MRC1: variants seen among roughly 807,000 people sequenced by gnomAD.
MRC1 encodes the protein macrophage mannose receptor 1.
A neutral mutation model predicts 102.9 loss-of-function variants in MRC1; 62 were observed. The ratio of observed to expected loss-of-function variants is 0.60; its 90% CI spans 0.49 to 0.74. MRC1 has a LOEUF of 0.74. Ranked by LOEUF, MRC1 falls within the 30% of genes least tolerant of loss-of-function variation. MRC1 has a pLI of 0.00. For synonymous variants in MRC1, 457 were observed against 298.4 expected (o/e 1.53, Z -5.48); for missense variants, 1,237 against 862.8 (o/e 1.43, Z -5.43).
rs904421757 is a variant in MRC1, at chr10:17,865,151, A to C, written c.1784-1411A>C. Among the ~76,000 whole-genome samples, 14 of 152,314 alleles carry C rather than the reference A, an allele frequency of 9.2e-5. No homozygotes were observed. The East Asian group carries it at 2.3e-3, about 25-fold the overall frequency. On this transcript the variant is annotated intron_variant, in intron 11 of 29. Coordinates refer to ENST00000569591, the MANE Select transcript of MRC1 (RefSeq NM_002438.4). ...AAATATTTCATTGTGCTTGGGTGAA[A>C]AGCTAAAAAATAATAGCTCGAGTCT...
intron 9 of MRC1, among the ~76,000 whole-genome samples, chr10:17,858,912 C>T (rs2130656958): frequency 6.6e-6 from 1 of 152,372 alleles, no homozygotes; most frequent in South Asian, 2.1e-4. Context: ...ACTTCTGAAA[C>T]TTATTATAGG....
intron 6 of MRC1, 149 bp downstream of exon 6, chr10:17,845,584 T>C: frequency 1.4e-6 from 1 of 708,860 alleles, no homozygotes; most frequent in Non-Finnish European, 2.6e-6. Context: ...AATATTTCTG[T>C]GTGCTGGTTG....
At chr10:17,820,902 C>T (rs956799686) in intron 1 of MRC1, among the ~76,000 whole-genome samples, 1 of 152,090 alleles carries the variant, frequency 6.6e-6, no homozygotes, top group Non-Finnish European at 1.5e-5. Flanking sequence ...CCATTGTGAG[C>T]AAAGCCCTAT....
intron 24 of MRC1, among the ~76,000 whole-genome samples, chr10:17,899,784 T>C (rs972167978): frequency 1.1e-4 from 16 of 152,112 alleles, no homozygotes; most frequent in Admixed American, 3.9e-4. Context: ...CATAAATTTG[T>C]TTCACTAAAT....
chr10:17,809,819 C>T (rs2130562795), intron 1 of MRC1, among the ~76,000 whole-genome samples: 1 of 152,214 alleles, frequency 6.6e-6, no homozygotes, highest in African/African-American at 2.4e-5. Context: ...TTGTTCCTTC[C>T]CTGTTTTCTT....
intron 1 of MRC1, among the ~76,000 whole-genome samples, chr10:17,822,626 A>T (rs1045918417): frequency 6.6e-6 from 1 of 152,212 alleles, no homozygotes; most frequent in Admixed American, 6.5e-5. Context: ...GTCCTTTAAA[A>T]ACAACAAACA....
At chr10:17,825,466 C>G (rs1434412337) in intron 2 of MRC1, among the ~76,000 whole-genome samples, 7 of 152,030 alleles carry the variant, frequency 4.6e-5, no homozygotes, top group Non-Finnish European at 1.0e-4. Flanking sequence ...AGCTGGCAGG[C>G]GTGGTGGCTC....
At chr10:17,884,822 T>C (rs1215793223) in intron 21 of MRC1, among the ~76,000 whole-genome samples, 1 of 152,218 alleles carries the variant, frequency 6.6e-6, no homozygotes, top group African/African-American at 2.4e-5. Flanking sequence ...GTTTTGACAG[T>C]TTTTATTTTT....
chr10:17,831,093 T>C (rs1838564761), intron 3 of MRC1, among the ~76,000 whole-genome samples: 3 of 150,256 alleles, frequency 2.0e-5, no homozygotes, highest in South Asian at 4.2e-4. Flanking sequence ...AGACGGAGTT[T>C]CACCATGTTG....
rs937654203 is a variant in MRC1, at chr10:17,827,803, C to T, written c.637+88C>T. 25 of 763,820 alleles carry T rather than the reference C, an allele frequency of 3.3e-5. No individual in the cohort carries two copies. The African/African-American group carries it at 3.4e-4, about 10-fold the overall frequency. 47.3% of individuals were successfully genotyped at this position (763,820 alleles called of 1,614,324 possible). On this transcript the variant is annotated intron_variant, in intron 3 of 29. Transcript: ENST00000569591. ...CTTGAATTTATCTAGAGCATTTTTC[C>T]CCAAAGTTATTTCACATTTACGACC...
intron 28 of MRC1, among the ~76,000 whole-genome samples, chr10:17,908,662 G>A (rs1833928247): frequency 6.6e-6 from 1 of 151,874 alleles, no homozygotes; most frequent in African/African-American, 2.4e-5. Context: ...TCCACCTCCT[G>A]GGTTCAAGCC....
At position 17,840,225 on chromosome 10, in the gene MRC1, C is replaced by A. The variant is rs1290068863; in HGVS notation, c.803-468C>A. Among the ~76,000 whole-genome samples the A allele has an allele frequency of 2.6e-5, 4 of 152,218 alleles. No homozygotes were observed. The East Asian group carries it at 7.7e-4, about 29-fold the overall frequency. The stretch of plus-strand genomic sequence containing the variant: ...TTCTTCACTGCTTAAGCAAAGCATC[C>A]TTGGTGTTAGCATAAGCACTTAGTG... On this transcript the variant is annotated intron_variant, in intron 4 of 29. Coordinates refer to ENST00000569591, the MANE Select transcript of MRC1 (RefSeq NM_002438.4).
chr10:17,880,539 A>G lies in MRC1; in HGVS notation c.2734A>G (p.Ile912Val), dbSNP rs1833498900. 1 of 780,860 alleles carries G rather than the reference A, an allele frequency of 1.3e-6. No homozygotes were observed. Among genetic ancestry groups the G allele is most frequent in the South Asian group, 1.3e-5 (1 of 74,614 alleles). The allele number at this position is 780,860 out of a possible 1,614,324, so 48.4% of individuals were successfully genotyped here. A position where few individuals can be genotyped will look rare whatever the true frequency, so the allele number is the denominator to read the frequency against. Residue 912 changes from isoleucine (I) to valine (V), a missense_variant, in exon 20 of 30, where the codon ATT becomes GTT. By Grantham distance (29) the Ile-to-Val change is conservative. Coordinates refer to ENST00000569591, the MANE Select transcript of MRC1 (RefSeq NM_002438.4). ...MYSNSGFWNDINCGYPNAFIC... is the reference protein window; with the variant it reads ...MYSNSGFWNDVNCGYPNAFIC... ...CTCTTTGCCAGGGTTTTGGAATGAC[A>G]TTAACTGTGGCTATCCAAACGCCTT...
At chr10:17,870,049 A>G (rs1833332649) in intron 12 of MRC1, among the ~76,000 whole-genome samples, 197 bp from the exon 13 acceptor site, 1 of 152,184 alleles carries the variant, frequency 6.6e-6, no homozygotes, top group Non-Finnish European at 1.5e-5. Context: ...GGTTTTCTCA[A>G]TAAAAGAATC....
intron 11 of MRC1, 118 bp downstream of exon 11, chr10:17,863,800 A>G (rs1463671331): frequency 8.9e-6 from 6 of 671,606 alleles, no homozygotes; most frequent in Non-Finnish European, 1.6e-5. Flanking sequence ...GCTTTTAGTA[A>G]CAATTTATAT....
At position 17,898,108 on chromosome 10, in the gene MRC1, C is replaced by G. The variant is rs1226745091; in HGVS notation, c.3325C>G (p.Leu1109Val). The change falls in exon 24 of 30, where the codon CTC (leucine) becomes GTC (valine). Residue 1109 changes from leucine to valine, a missense_variant. Physicochemically the swap from Leu to Val is conservative, Grantham distance 32 (BLOSUM62 1). Coordinates refer to ENST00000569591, the MANE Select transcript of MRC1 (RefSeq NM_002438.4). ...TAAATATGGCAAAAGCAGCTATTCA[C>G]TCATGAGACAAAAATTTCAATGGCA... is the stretch of plus-strand genomic sequence containing the variant. ...FVKYGKSSYS[L>V]MRQKFQWHEA... 1 of 780,726 alleles carries G rather than the reference C, an allele frequency of 1.3e-6. No homozygotes were observed. The highest frequency in any genetic ancestry group is 2.4e-6 in the Non-Finnish European group (1 of 417,974). 48.4% of individuals were successfully genotyped at this position (780,726 alleles called of 1,614,324 possible).
chr10:17,819,035 T>G (rs1026469619), intron 1 of MRC1, among the ~76,000 whole-genome samples: 3,004 of 152,298 alleles, frequency 0.02, 117 homozygotes, highest in African/African-American at 0.068. Flanking sequence ...TTTGCAGGGT[T>G]TAAGTTGTTG....
At chr10:17,885,184 T>G in intron 21 of MRC1, 85 bp from the exon 22 acceptor site, 1 of 773,364 alleles carries the variant, frequency 1.3e-6, no homozygotes, top group East Asian at 2.4e-5. Flanking sequence ...GCTAAATATT[T>G]TGAAATTCAT....
chr10:17,892,710 A>G (rs1032826447), intron 22 of MRC1, among the ~76,000 whole-genome samples: 1 of 152,174 alleles, frequency 6.6e-6, no homozygotes, highest in Non-Finnish European at 1.5e-5. Flanking sequence ...TGATATAGTC[A>G]CCATAAATAG....
Sources: allele counts gnomAD v4.1 joint callset (sites outside exome capture counted in the v4.1 genomes callset), GRCh38; gene constraint gnomAD v4.1.1; transcripts MANE v1.5; gene names NCBI Gene and HGNC (gene_info 2026-07-23, HGNC 2026-07-21).